The following ME3 variants were observed in gnomAD, a reference collection of about 807,000 sequenced individuals.
ME3 encodes the protein NADP-dependent malic enzyme, mitochondrial.
ME3 carries 48 observed loss-of-function variants against 68.9 expected under a neutral mutation model. That is an observed-to-expected ratio of 0.70 (90% CI 0.55 to 0.89). ME3 has a LOEUF of 0.89. Among genes scored for constraint, ME3 ranks in the 40% least tolerant of loss-of-function variants. ME3 has a pLI of 0.00. For synonymous variants in ME3, 320 were observed against 318.8 expected, an observed-to-expected ratio of 1.00 and a Z score of -0.04; for missense variants, 675 against 797.4, an observed-to-expected ratio of 0.85 and a Z score of 1.85.
downstream of ME3, chr11:86,436,203 T>C (rs79354617): frequency 6.6e-6 from 1 of 152,142 alleles, no homozygotes; most frequent in Non-Finnish European, 1.5e-5. Flanking sequence ...CTTTTTTTTT[T>C]ATTATAGCCA....
At chr11:86,449,346 C>A (rs900400780) in intron 10 of ME3, among the ~76,000 whole-genome samples, 3 of 152,176 alleles carry the variant, frequency 2.0e-5, no homozygotes, top group Non-Finnish European at 4.4e-5. Context: ...TATGCACTTA[C>A]CATGTGCCAG....
At chr11:86,568,927 A>G (rs1320551538) in intron 2 of ME3, among the ~76,000 whole-genome samples, 3 of 152,342 alleles carry the variant, frequency 2.0e-5, no homozygotes, top group Middle Eastern at 3.4e-3. Flanking sequence ...TAGAGGAGAC[A>G]TGTGGGTTAA....
chr11:86,578,895 T>C (rs1565165339), intron 2 of ME3, among the ~76,000 whole-genome samples: 1 of 152,202 alleles, frequency 6.6e-6, no homozygotes, highest in Non-Finnish European at 1.5e-5. Context: ...TGTGGTAGGC[T>C]GTCAAAGTGT....
intron 10 of ME3, among the ~76,000 whole-genome samples, chr11:86,448,944 G>A (rs1218145150): frequency 6.6e-6 from 1 of 152,202 alleles, no homozygotes; most frequent in Admixed American, 6.5e-5. Flanking sequence ...GATGTTGAAA[G>A]ATGGATAAGA....
At chr11:86,449,139 T>G (rs983233986) in intron 10 of ME3, among the ~76,000 whole-genome samples, 7 of 152,238 alleles carry the variant, frequency 4.6e-5, no homozygotes, top group Admixed American at 4.6e-4. Flanking sequence ...AATGTCCTTA[T>G]GTACTTCCTC....
intron 11 of ME3, 32 bp from the exon 12 acceptor site, chr11:86,447,239 T>A (rs1244665463): frequency 6.8e-6 from 11 of 1,609,426 alleles, no homozygotes; most frequent in Non-Finnish European, 7.6e-6. Flanking sequence ...TGGGGATGCC[T>A]GCTCTCTATA....
At chr11:86,474,413 GC>G (rs1364356046) in intron 7 of ME3, among the ~76,000 whole-genome samples, 3 of 152,102 alleles carry the variant, frequency 2.0e-5, no homozygotes, top group Non-Finnish European at 4.4e-5. Context: ...ACCAAATGGC[GC>G]CAGAAATCTC....
chr11:86,653,763 G>A (rs1444183068), intron 2 of ME3, among the ~76,000 whole-genome samples: 1 of 152,166 alleles, frequency 6.6e-6, no homozygotes, highest in African/African-American at 2.4e-5. Context: ...AACTGAAGGA[G>A]AGAGCGACAC....
chr11:86,555,620 G>A (rs889619346), intron 4 of ME3, among the ~76,000 whole-genome samples: 10 of 152,136 alleles, frequency 6.6e-5, no homozygotes, highest in East Asian at 1.9e-4. Context: ...AGTGGGATCC[G>A]GAAAGAAACA....
chr11:86,442,226 G>T (rs574683443), intron 14 of ME3, among the ~76,000 whole-genome samples: 2 of 152,098 alleles, frequency 1.3e-5, no homozygotes, highest in East Asian at 3.9e-4. Context: ...CAGTCTTATA[G>T]TCTGGAATAT....
rs189090569 is a variant in ME3, at chr11:86,580,865, A to G, written c.184-21042T>C. ...TTTTGCAATCACCTTTGTCAGCCAC[A>G]TTAGAGACAAGGTTTGATCAGTCTA... On this transcript the variant is annotated intron_variant, in intron 2 of 14. Coordinates refer to ENST00000543262, the Ensembl canonical transcript of ME3. Among the ~76,000 whole-genome samples, 7 of 152,350 alleles carry G rather than the reference A, an allele frequency of 4.6e-5. No individual in the cohort carries two copies. The East Asian group carries it at 1.3e-3, about 29-fold the overall frequency.
chr11:86,664,674 G>A (rs1445201469), intron 2 of ME3, among the ~76,000 whole-genome samples: 1 of 152,140 alleles, frequency 6.6e-6, no homozygotes, highest in African/African-American at 2.4e-5. Flanking sequence ...AAGTCTCCAA[G>A]GACTCAGAGT....
intron 8 of ME3, among the ~76,000 whole-genome samples, chr11:86,464,758 G>A (rs1950394757): frequency 6.6e-6 from 1 of 152,190 alleles, no homozygotes; most frequent in Non-Finnish European, 1.5e-5. Context: ...TTGACTAGAT[G>A]ATGAAACTGT....
At chr11:86,538,334 G>A (rs898443720) in intron 4 of ME3, among the ~76,000 whole-genome samples, 20 of 152,090 alleles carry the variant, frequency 1.3e-4, no homozygotes, top group Non-Finnish European at 2.5e-4. Context: ...CCTCTGAACC[G>A]CTTGTCTAAG....
chr11:86,532,489 T>G (rs932826634), intron 4 of ME3, among the ~76,000 whole-genome samples: 3 of 152,192 alleles, frequency 2.0e-5, no homozygotes, highest in Non-Finnish European at 4.4e-5. Context: ...CTTAACAAAT[T>G]TAAGGATGTT....
intron 4 of ME3, among the ~76,000 whole-genome samples, chr11:86,539,895 C>T (rs1190150229): frequency 6.6e-6 from 1 of 152,198 alleles, no homozygotes; most frequent in Non-Finnish European, 1.5e-5. Context: ...CTAAAGATAG[C>T]TGATGAGCTT....
intron 2 of ME3, among the ~76,000 whole-genome samples, chr11:86,640,144 A>C (rs17211570): frequency 0.013 from 1,910 of 152,324 alleles, 95 homozygotes; most frequent in East Asian, 0.12. Context: ...CTGATATAGG[A>C]AGCGGAGACA....
chr11:86,537,120 A>G (rs1466978471), intron 4 of ME3, among the ~76,000 whole-genome samples: 3 of 128,544 alleles, frequency 2.3e-5, no homozygotes, highest in Non-Finnish European at 4.8e-5. Context: ...GGAATATCAC[A>G]CTCTGGGGAC....
intron 4 of ME3, among the ~76,000 whole-genome samples, chr11:86,510,733 C>G (rs1322449638): frequency 6.6e-6 from 1 of 152,106 alleles, no homozygotes; most frequent in Non-Finnish European, 1.5e-5. Flanking sequence ...GCAAATGTCC[C>G]CTGGAGGAAA....
Sources: allele counts gnomAD v4.1 joint callset (sites outside exome capture counted in the v4.1 genomes callset), GRCh38; gene constraint gnomAD v4.1.1; transcripts MANE v1.5; gene names NCBI Gene and HGNC (gene_info 2026-07-23, HGNC 2026-07-21).